NRXN2: variants seen among roughly 807,000 people sequenced by gnomAD.
NRXN2 encodes neurexin 2.
In NRXN2, 29 loss-of-function variants were observed where a neutral mutation model predicts 128.8. The ratio of observed to expected loss-of-function variants is 0.23; its 90% CI spans 0.17 to 0.31. NRXN2 has a LOEUF of 0.31. NRXN2 is among the 10% of genes least tolerant of loss of function. The probability of loss-of-function intolerance (pLI) is 1.00; values close to 1 mark genes in which losing one functional copy is unlikely to be tolerated. For synonymous variants in NRXN2, 1,098 were observed against 1,075.2 expected (o/e 1.02, Z -0.41); for missense variants, 1,881 against 2,452.6 (o/e 0.77, Z 4.92).
At chr11:64,691,464 G>A (rs918226721) in intron 4 of NRXN2, among the ~76,000 whole-genome samples, 2 of 152,186 alleles carry the variant, frequency 1.3e-5, no homozygotes, top group African/African-American at 4.8e-5. Context: ...AGATCCACAG[G>A]ATGGCTTCAG....
Position 64,713,418 on chromosome 11 carries a change from C to T in NRXN2, c.282G>A (p.Ser94=). 1 of 1,498,728 alleles carries T rather than the reference C, an allele frequency of 6.7e-7. No individual in the cohort carries two copies. Among genetic ancestry groups the T allele is most frequent in the Non-Finnish European group, 8.8e-7 (1 of 1,130,402 alleles). The allele number at this position is 1,498,728 out of a possible 1,614,324, so 92.8% of individuals were successfully genotyped here. ...DGRLRLRFTL[S]CAEPATLQLD... is the part of the protein sequence containing the mutation. ...GCTGCAGCGTGGCCGGCTCGGCGCA[C>T]GAAAGCGTGAAGCGCAGCCGCAGGC... The change falls in exon 2 of 23, where the codon TCG becomes TCA. Residue 94 remains serine (S), a synonymous_variant. Coordinates refer to ENST00000265459, the MANE Select transcript of NRXN2 (RefSeq NM_015080.4).
At chr11:64,628,491 C>T (rs187978579) in intron 19 of NRXN2, among the ~76,000 whole-genome samples, 4 of 152,204 alleles carry the variant, frequency 2.6e-5, no homozygotes, top group East Asian at 3.9e-4. Context: ...CCTTTACAGG[C>T]GGGGGCACCC....
rs2135388560 is a variant in NRXN2 at position 64,635,021 on chromosome 11, A to G, written c.3585+250T>C. 6.6e-6 allele frequency among the ~76,000 whole-genome samples: 1 copy of G among 152,270 alleles called. No individual in the cohort carries two copies. Among genetic ancestry groups the G allele is most frequent in the Admixed American group, 6.5e-5 (1 of 15,312 alleles). On this transcript the variant is annotated intron_variant, in intron 18 of 22. Coordinates refer to ENST00000265459, the MANE Select transcript of NRXN2 (RefSeq NM_015080.4). This position sits in a 1 kb window ranked among gnomAD's most constrained non-coding sequence, Gnocchi z 4.8. The stretch of plus-strand genomic sequence containing the variant: ...AAGGTCAGAAAACACAGGTGGTCTC[A>G]GGGAGTGGGGAGCTGGAGAAATTCG...
At chr11:64,704,163 T>C (rs376832586) in intron 2 of NRXN2, among the ~76,000 whole-genome samples, 7 of 152,112 alleles carry the variant, frequency 4.6e-5, no homozygotes, top group Non-Finnish European at 7.4e-5. Context: ...TAACCCAACA[T>C]AGGTGATTTC....
chr11:64,719,048 A>G (rs2135692679), intron 1 of NRXN2, among the ~76,000 whole-genome samples: 1 of 152,328 alleles, frequency 6.6e-6, no homozygotes, highest in East Asian at 1.9e-4. Context: ...GTGTTGTCAA[A>G]ATTAGAATTA....
chr11:64,646,592 TC>T (rs1565282369), intron 17 of NRXN2: 1 of 151,856 alleles, frequency 6.6e-6, no homozygotes, highest in Non-Finnish European at 1.5e-5. Context: ...AGTAACTGCC[TC>T]TTACTGAGGC....
intron 4 of NRXN2, 149 bp from the exon 5 acceptor site, chr11:64,690,625 A>C: frequency 1.4e-6 from 1 of 705,926 alleles, no homozygotes; most frequent in Non-Finnish European, 2.5e-6. Context: ...CCTTGCCTTC[A>C]AGACCTCTAA....
Position 64,622,750 on chromosome 11 carries a change from C to A in NRXN2, c.4173+3G>T. ...TAATCCACCAGCCAGAGTGGGGCCT[C>A]ACCTGGGTGGTGCTGTCCCTCAGTG... On this transcript the variant is annotated splice_donor_region_variant and intron_variant, in intron 21 of 22. Coordinates refer to ENST00000265459, the MANE Select transcript of NRXN2 (RefSeq NM_015080.4). This position sits in a 1 kb window ranked among gnomAD's most constrained non-coding sequence, Gnocchi z 4.3. 1 of 1,606,190 alleles carries A rather than the reference C, an allele frequency of 6.2e-7. No individual in the cohort carries two copies.
rs1415130897 is a variant in NRXN2 at position 64,714,499 on chromosome 11, G to A, written c.-244-556C>T. On this transcript the variant is annotated intron_variant, in intron 1 of 22. Transcript: ENST00000265459. The surrounding 1 kb of genome is among the most constrained non-coding windows in gnomAD (Gnocchi z 4.5). ...GGAAGGGGGCAAGGGAGAGAAGCCA[G>A]CCAGGACCCAGATATCCAGGCCCCA... Among the ~76,000 whole-genome samples, 3 of 152,112 alleles carry A rather than the reference G, an allele frequency of 2.0e-5. No homozygotes were observed. The highest frequency in any genetic ancestry group is 7.2e-5 in the African/African-American group (3 of 41,390).
At chr11:64,642,446 T>G in intron 17 of NRXN2, 1 of 1,472,128 alleles carries the variant, frequency 6.8e-7, no homozygotes, top group Non-Finnish European at 9.0e-7. Flanking sequence ...CGTGCACAGC[T>G]GGGGTGGGGC....
chr11:64,688,139 A>G, intron 5 of NRXN2, among the ~76,000 whole-genome samples: 1 of 152,244 alleles, frequency 6.6e-6, no homozygotes, highest in Non-Finnish European at 1.5e-5. Context: ...CAAAAAGGAA[A>G]GAGGCGGGTC....
chr11:64,660,700 G>GGAGGAGCACAGGGAT lies in NRXN2; in HGVS notation c.2185+38_2185+52dup. ...TGGAAAGTAGGAGTCACCCTGAGAA[G>GGAGGAGCACAGGGAT]GAGGAGCACAGGGATAGGGAGCAGG... On this transcript the variant is annotated intron_variant, in intron 10 of 22. Coordinates refer to ENST00000265459, the MANE Select transcript of NRXN2 (RefSeq NM_015080.4). The surrounding 1 kb of genome is among the most constrained non-coding windows in gnomAD (Gnocchi z 5.2). 6.2e-7 allele frequency: 1 copy of GGAGGAGCACAGGGAT among 1,603,426 alleles called. No homozygotes were observed. The highest frequency in any genetic ancestry group is 8.5e-7 in the Non-Finnish European group (1 of 1,178,996).
At position 64,697,050 on chromosome 11, in the gene NRXN2, G is replaced by A. The variant is rs574723305; in HGVS notation, c.748+725C>T. ...GGAGGTAAAGACAGAAACTGGAGAG[G>A]GAGAAGAGGCCAACAAAACAGGAGA... is the stretch of plus-strand genomic sequence containing the variant. On this transcript the variant is annotated intron_variant, in intron 3 of 22. Coordinates refer to ENST00000265459, the MANE Select transcript of NRXN2 (RefSeq NM_015080.4). 2.6e-5 allele frequency among the ~76,000 whole-genome samples: 4 copies of A among 152,110 alleles called. No homozygotes were observed. The South Asian group carries it at 8.3e-4, about 32-fold the overall frequency.
chr11:64,673,245 AG>A (rs1455816945), intron 7 of NRXN2, among the ~76,000 whole-genome samples: 2 of 152,230 alleles, frequency 1.3e-5, no homozygotes, highest in Non-Finnish European at 2.9e-5. Context: ...GTGTGTACAA[AG>A]AACTATCATT....
At chr11:64,624,503 T>C (rs2042829524) in intron 20 of NRXN2, among the ~76,000 whole-genome samples, 2 of 152,246 alleles carry the variant, frequency 1.3e-5, no homozygotes, top group Non-Finnish European at 2.9e-5. Flanking sequence ...GTACAAGTCC[T>C]GGAATACCAG....
intron 2 of NRXN2, chr11:64,712,712 C>T (rs771090878): frequency 1.5e-5 from 10 of 645,682 alleles, no homozygotes; most frequent in African/African-American, 1.5e-4. Context: ...CCTGACCACA[C>T]AGGCTGCCCA....
At chr11:64,689,062 C>T (rs1294596147) in intron 5 of NRXN2, among the ~76,000 whole-genome samples, 3 of 152,040 alleles carry the variant, frequency 2.0e-5, no homozygotes, top group Admixed American at 6.6e-5. Flanking sequence ...CCAGCTTCCC[C>T]GTCTGGAAAA....
intron 6 of NRXN2, among the ~76,000 whole-genome samples, chr11:64,677,737 TG>T (rs2135541993): frequency 6.6e-6 from 1 of 152,286 alleles, no homozygotes; most frequent in African/African-American, 2.4e-5. Flanking sequence ...TGAGGAGGGA[TG>T]GGCTATTGGT....
chr11:64,627,452 C>T (rs973670641), intron 19 of NRXN2, among the ~76,000 whole-genome samples: 8 of 151,896 alleles, frequency 5.3e-5, no homozygotes, highest in Non-Finnish European at 1.0e-4. Context: ...CTACTCAGAG[C>T]CCAGTTTCTT....
Sources: gnomAD v4.1 joint callset for allele counts (sites outside exome capture counted in the v4.1 genomes callset) on GRCh38, gnomAD v4.1.1 for gene constraint, Gnocchi (gnomAD v3.1) non-coding constraint, MANE v1.5 for transcripts, NCBI Gene and HGNC (gene_info 2026-07-23, HGNC 2026-07-21) for gene names.